TTC6: variants seen among roughly 807,000 people sequenced by gnomAD.
The protein encoded by TTC6 is tetratricopeptide repeat domain 6.
TTC6 carries 172 observed loss-of-function variants against 210.4 expected under a neutral mutation model. That is an observed-to-expected ratio of 0.82 (90% confidence interval 0.72 to 0.93). TTC6 has a LOEUF of 0.93. Ranked by LOEUF, TTC6 falls within the 40% of genes least tolerant of loss-of-function variation. The pLI is 0.00. For missense variants in TTC6, 2,414 were observed against 2,318.1 expected (o/e 1.04, Z -0.85); for synonymous variants, 804 against 819.6 (o/e 0.98, Z 0.32).
intron 10 of TTC6, among the ~76,000 whole-genome samples, chr14:37,742,860 C>T (rs752041652): frequency 4.6e-5 from 7 of 152,286 alleles, no homozygotes; most frequent in Non-Finnish European, 8.8e-5. Flanking sequence ...AGTGACTAGG[C>T]CGAGCTACTT....
intron 14 of TTC6, among the ~76,000 whole-genome samples, chr14:37,771,527 T>C (rs2096018722): frequency 6.6e-6 from 1 of 152,200 alleles, no homozygotes; most frequent in Non-Finnish European, 1.5e-5. Flanking sequence ...TTCTCTAAGC[T>C]TCCCTTCTCG....
chr14:37,703,474 A>G (rs1167844185), intron 5 of TTC6, among the ~76,000 whole-genome samples: 1 of 152,184 alleles, frequency 6.6e-6, no homozygotes, highest in African/African-American at 2.4e-5. Flanking sequence ...CTGAGCCTAC[A>G]AGTTCGGAGA....
chr14:37,665,915 A>G (rs1186257832), intron 1 of TTC6, among the ~76,000 whole-genome samples: 2 of 150,556 alleles, frequency 1.3e-5, no homozygotes, highest in African/African-American at 4.8e-5. Context: ...TCTCATGCAC[A>G]CACCAGAGCC....
chr14:37,629,932 C>T (rs1313591489), intron 1 of TTC6, among the ~76,000 whole-genome samples: 1 of 152,134 alleles, frequency 6.6e-6, no homozygotes, highest in Admixed American at 6.5e-5. Context: ...TATGTTGAAC[C>T]AGCCTTGCAT....
intron 1 of TTC6, among the ~76,000 whole-genome samples, chr14:37,670,886 T>C (rs1405227108): frequency 2.6e-5 from 4 of 152,128 alleles, no homozygotes; most frequent in Non-Finnish European, 4.4e-5. Flanking sequence ...TAATAAAAAT[T>C]ATGAGATTTT....
rs191639915 is a variant in TTC6 at position 37,795,961 on chromosome 14, T to C, written c.3792-333T>C. Reference sequence around the variant, plus strand: ...TTGTCCTTGAACCACATTTTAGCAATTTATGTAGATACCTCCTTCCTTTTA... The same window carrying C: ...TTGTCCTTGAACCACATTTTAGCAACTTATGTAGATACCTCCTTCCTTTTA... On this transcript the variant is annotated intron_variant, in intron 18 of 30. Coordinates refer to ENST00000553443, the Ensembl canonical transcript of TTC6. 5.9e-5 allele frequency among the ~76,000 whole-genome samples: 9 copies of C among 152,244 alleles called. No individual in the cohort carries two copies. In the East Asian group the frequency reaches 1.7e-3, roughly 29 times the overall value.
At chr14:37,792,784 G>A (rs1416091710) in intron 17 of TTC6, among the ~76,000 whole-genome samples, 1 of 144,514 alleles carries the variant, frequency 6.9e-6, no homozygotes, top group Non-Finnish European at 1.5e-5. Flanking sequence ...TGTTGTGTGT[G>A]TGTGTGTGTG....
At chr14:37,678,865 A>G (rs1392689159) in intron 1 of TTC6, among the ~76,000 whole-genome samples, 1 of 152,174 alleles carries the variant, frequency 6.6e-6, no homozygotes. Context: ...TTTAAGGTAC[A>G]ATGGGAGTTT....
At chr14:37,630,253 G>T (rs2095667067) in intron 1 of TTC6, among the ~76,000 whole-genome samples, 3 of 152,162 alleles carry the variant, frequency 2.0e-5, no homozygotes, top group Non-Finnish European at 4.4e-5. Flanking sequence ...TGCTTTAGCT[G>T]TATCCCAGAG....
At chr14:37,689,142 G>A (rs1223888255) in intron 3 of TTC6, among the ~76,000 whole-genome samples, 1 of 151,972 alleles carries the variant, frequency 6.6e-6, no homozygotes, top group Non-Finnish European at 1.5e-5. Context: ...GAATCAAGCA[G>A]AAATTCTGGA....
At chr14:37,792,742 G>A (rs2096082981) in intron 17 of TTC6, among the ~76,000 whole-genome samples, 1 of 150,310 alleles carries the variant, frequency 6.7e-6, no homozygotes, top group African/African-American at 2.5e-5. Flanking sequence ...TCTAGGGATA[G>A]CTGCTATTAA....
At chr14:37,700,468 C>G (rs547001084) in intron 4 of TTC6, among the ~76,000 whole-genome samples, 1 of 151,990 alleles carries the variant, frequency 6.6e-6, no homozygotes, top group East Asian at 1.9e-4. Flanking sequence ...TTTGGCTAGG[C>G]GCAGTGGCTC....
intron 28 of TTC6, among the ~76,000 whole-genome samples, chr14:37,826,965 G>GA (rs1486750069): frequency 1.3e-5 from 2 of 152,012 alleles, no homozygotes; most frequent in Admixed American, 6.6e-5. Context: ...GGAACTGAGT[G>GA]AAAAAACACT....
intron 10 of TTC6, among the ~76,000 whole-genome samples, chr14:37,741,665 C>A (rs7141017): frequency 0.62 from 94,413 of 151,916 alleles, 30,476 homozygotes; most frequent in East Asian, 0.89. Context: ...AAGGTTATTT[C>A]ATCACACCCA....
chr14:37,795,454 A>G, intron 18 of TTC6, 102 bp downstream of exon 20: 1 of 647,424 alleles, frequency 1.5e-6, no homozygotes, highest in Non-Finnish European at 2.4e-6. Context: ...TCCCCATTTT[A>G]CATTTAATCT....
At chr14:37,675,251 G>C (rs1329869374) in intron 1 of TTC6, among the ~76,000 whole-genome samples, 1 of 151,958 alleles carries the variant, frequency 6.6e-6, no homozygotes, top group Non-Finnish European at 1.5e-5. Flanking sequence ...ACAGGCCCTG[G>C]CAACAACAAG....
intron 14 of TTC6, among the ~76,000 whole-genome samples, chr14:37,755,578 G>C (rs1458635569): frequency 6.6e-6 from 1 of 152,152 alleles, no homozygotes; most frequent in African/African-American, 2.4e-5. Context: ...AAGGGGTCCA[G>C]TTTCTGTTTT....
exon 30 of TTC6, chr14:37,841,631 T>G (rs1304586187): frequency 6.2e-7 from 1 of 1,605,048 alleles, no homozygotes; most frequent in African/African-American, 1.3e-5. Flanking sequence ...CTACTACTGC[T>G]TAAAGCAATA....
chr14:37,695,943 C>T (rs565956288), intron 3 of TTC6, among the ~76,000 whole-genome samples: 22 of 152,110 alleles, frequency 1.4e-4, no homozygotes, highest in African/African-American at 3.1e-4. Flanking sequence ...TATGGGATGA[C>T]GAGATTTAGT....
Sources: allele counts gnomAD v4.1 joint callset (sites outside exome capture counted in the v4.1 genomes callset), GRCh38; gene constraint gnomAD v4.1.1; transcripts MANE v1.5; gene names NCBI Gene and HGNC (gene_info 2026-07-23, HGNC 2026-07-21).